Variants in KCTD2 observed in about 807,000 individuals in gnomAD.
KCTD2 encodes potassium channel tetramerization domain containing 2.
In KCTD2, 18 loss-of-function variants were observed where a neutral mutation model predicts 27.9. The observed-to-expected ratio is 0.64, with a 90% CI of 0.45 to 0.96. KCTD2 has a LOEUF of 0.96. Among genes scored for constraint, KCTD2 ranks in the 40% least tolerant of loss-of-function variants. The pLI, the probability that KCTD2 is intolerant of heterozygous loss-of-function variation, is 0.00. For synonymous variants in KCTD2, 175 were observed against 148.4 expected (o/e 1.18, Z -1.30); for missense variants, 280 against 348.0 (o/e 0.80, Z 1.56).
chr17:75,050,027 A>G (rs1307641509), intron 2 of KCTD2, among the ~76,000 whole-genome samples: 2 of 152,196 alleles, frequency 1.3e-5, no homozygotes, highest in African/African-American at 4.8e-5. Flanking sequence ...TAGTTAATGA[A>G]GTGACTGTGA....
chr17:75,059,180 A>G (rs935179044), intron 3 of KCTD2: 1 of 162,838 alleles, frequency 6.1e-6, no homozygotes, highest in Non-Finnish European at 1.3e-5. Flanking sequence ...GATTAAATCT[A>G]AGTTTGTTGG....
At chr17:75,044,140 T>C (rs1447300510), upstream of KCTD2, among the ~76,000 whole-genome samples, 34 of 149,068 alleles carry the variant, frequency 2.3e-4, 1 homozygote, top group Admixed American at 2.3e-3. Flanking sequence ...TTCTCCTGCC[T>C]CAGCCTCCGG....
rs1239007644 is a variant in KCTD2, at chr17:75,063,705, C to T, written c.*658C>T. 1 of 152,532 alleles carries T rather than the reference C, an allele frequency of 6.6e-6. No homozygotes were observed. Among genetic ancestry groups the T allele is most frequent in the Non-Finnish European group, 1.5e-5 (1 of 68,292 alleles). The allele number at this position is 152,532 out of a possible 1,614,324, so 9.4% of individuals were successfully genotyped here. A position where few individuals can be genotyped will look rare whatever the true frequency, so the allele number is the denominator to read the frequency against. On this transcript the variant is annotated 3_prime_UTR_variant, in exon 6 of 6. Coordinates refer to ENST00000322444, the MANE Select transcript of KCTD2 (RefSeq NM_015353.3). ...CTGGATTTGGGGCTCCCGGCTGCCA[C>T]CACATGCAGCTTTGCCTCACCTTTC...
At chr17:75,062,932 A>T in intron 5 of KCTD2, 86 bp from the exon 6 acceptor site, 1 of 1,397,474 alleles carries the variant, frequency 7.2e-7, no homozygotes, top group Non-Finnish European at 1.0e-6. Flanking sequence ...CCATCATGCC[A>T]CTCATCGGGT....
In KCTD2 at chr17:75,049,340, GTTTGCATTGGGGA is replaced by G; in HGVS notation, c.448+16_448+28del. On this transcript the variant is annotated intron_variant, in intron 2 of 5. Transcript: ENST00000322444. ...GTTGGCAGAAGAAGGTAAGCGCACT[GTTTGCATTGGGGA>G]TTTTCAAAATGCAAGTAGAATCTTT... 6.9e-7 allele frequency: 1 copy of G among 1,444,158 alleles called. No individual in the cohort carries two copies. The highest frequency in any genetic ancestry group is 2.3e-5 in the East Asian group (1 of 44,032). The allele number at this position is 1,444,158 out of a possible 1,614,324, so 89.5% of individuals were successfully genotyped here. A position where few individuals can be genotyped will look rare whatever the true frequency, so the allele number is the denominator to read the frequency against.
In KCTD2 at chr17:75,047,406, G is replaced by A. The variant is rs761469308; in HGVS notation, c.156G>A (p.Ala52=). Residue 52 remains alanine (A), a synonymous_variant, in exon 1 of 6, where the codon GCG becomes GCA. Coordinates refer to ENST00000322444, the MANE Select transcript of KCTD2 (RefSeq NM_015353.3). ...ACGGCCGCCCGGCTGCCGCCGTCGC[G>A]CAGCCGCTGGAGCCGGGTCCCGGAC... The part of the protein sequence containing the change: ...RGHGRPAAAV[A]QPLEPGPGPP... 1.7e-6 allele frequency: 2 copies of A among 1,188,868 alleles called. No homozygotes were observed. The highest frequency in any genetic ancestry group is 1.0e-6 in the Non-Finnish European group (1 of 959,934). The allele number at this position is 1,188,868 out of a possible 1,614,324, so 73.6% of individuals were successfully genotyped here. A position where few individuals can be genotyped will look rare whatever the true frequency, so the allele number is the denominator to read the frequency against.
At chr17:75,062,739 CACACAG>C in intron 5 of KCTD2, among the ~76,000 whole-genome samples, 1 of 148,888 alleles carries the variant, frequency 6.7e-6, no homozygotes, top group Non-Finnish European at 1.5e-5. Flanking sequence ...CACACACACA[CACACAG>C]CTTCTAAATC....
At chr17:75,036,839 C>T (rs2073106391) in intron 3 of KCTD2, among the ~76,000 whole-genome samples, 1 of 152,210 alleles carries the variant, frequency 6.6e-6, no homozygotes, top group Non-Finnish European at 1.5e-5. Context: ...AGGCCTTGCA[C>T]AGCTACCGCT....
rs2073261416 is a variant in KCTD2, at chr17:75,049,306, C to T, written c.426C>T (p.Ile142=). The T allele has an allele frequency of 6.2e-7, 1 of 1,610,844 alleles. No homozygotes were observed. The highest frequency in any genetic ancestry group is 1.3e-5 in the African/African-American group (1 of 74,848). The change falls in exon 2 of 6, where the codon ATC becomes ATT. Residue 142 remains isoleucine, a synonymous_variant. Coordinates refer to ENST00000322444, the MANE Select transcript of KCTD2 (RefSeq NM_015353.3). ...LNYLRHGKLI[I]TKELAEEGVL... ...ACCTCCGCCACGGGAAACTCATCAT[C>T]ACTAAGGAGTTGGCAGAAGAAGGTA...
intron 1 of KCTD2, 71 bp downstream of exon 1, chr17:75,047,660 T>C (rs1044917926): frequency 2.5e-5 from 37 of 1,476,478 alleles, no homozygotes; most frequent in Non-Finnish European, 3.2e-5. Context: ...GTCCCCAGAG[T>C]CCTGAGACAC....
Position 75,063,228 on chromosome 17 carries a change from G to T in KCTD2, c.*181G>T. ...CCCTCCCCACCTGCAGGACTCCGAA[G>T]ACAGTGCGACTTCTGGCTGCAGAAT... On this transcript the variant is annotated 3_prime_UTR_variant, in exon 6 of 6. Coordinates refer to ENST00000322444, the MANE Select transcript of KCTD2 (RefSeq NM_015353.3). The T allele has an allele frequency of 1.6e-6, 1 of 638,972 alleles. No individual in the cohort carries two copies. The allele number at this position is 638,972 out of a possible 1,614,324, so 39.6% of individuals were successfully genotyped here.
intron 1 of KCTD2, 144 bp from the exon 2 acceptor site, chr17:75,049,076 A>T: frequency 1.8e-6 from 1 of 542,242 alleles, no homozygotes; most frequent in Non-Finnish European, 3.3e-6. Context: ...ATGTGTAACA[A>T]AATTTGCCAT....
chr17:75,063,996 GT>G lies in KCTD2; in HGVS notation c.*951del, dbSNP rs1464476444. The G allele has an allele frequency of 6.5e-6, 1 of 152,758 alleles. No homozygotes were observed. Among genetic ancestry groups the G allele is most frequent in the East Asian group, 1.9e-4 (1 of 5,198 alleles). The allele number at this position is 152,758 out of a possible 1,614,324, so 9.5% of individuals were successfully genotyped here. On this transcript the variant is annotated 3_prime_UTR_variant, in exon 6 of 6. Coordinates refer to ENST00000322444, the MANE Select transcript of KCTD2 (RefSeq NM_015353.3). ...TGTGTTATGTTGTGTCTCAGAGAGA[GT>G]TATTTCTGTGACTCTCTTGGAAATG...
intron 3 of KCTD2, chr17:75,040,286 T>C: frequency 9.0e-7 from 1 of 1,105,894 alleles, no homozygotes; most frequent in Non-Finnish European, 1.4e-6. Flanking sequence ...AAGGTCATAC[T>C]GAAAGACATT....
intron 1 of KCTD2, among the ~76,000 whole-genome samples, chr17:75,048,314 G>A (rs879853770): frequency 2.6e-5 from 4 of 152,136 alleles, no homozygotes; most frequent in Non-Finnish European, 5.9e-5. Flanking sequence ...TTTCCAGTTT[G>A]AACTGTGTCA....
chr17:75,040,288 A>G (rs1325836652), intron 3 of KCTD2: 9 of 1,101,000 alleles, frequency 8.2e-6, no homozygotes, highest in Non-Finnish European at 1.2e-5. Context: ...GGTCATACTG[A>G]AAGACATTCT....
At chr17:75,037,979 G>A (rs907449898) in intron 3 of KCTD2, among the ~76,000 whole-genome samples, 1 of 151,962 alleles carries the variant, frequency 6.6e-6, no homozygotes, top group African/African-American at 2.4e-5. Flanking sequence ...AACCCATGAG[G>A]TAAAGGTTGC....
chr17:75,034,480 C>T (rs952397825), intron 2 of KCTD2, among the ~76,000 whole-genome samples: 2 of 152,178 alleles, frequency 1.3e-5, no homozygotes, highest in African/African-American at 4.8e-5. Flanking sequence ...GAGGCCAGTG[C>T]CTTATCCATT....
At chr17:75,036,891 G>C (rs2073106853) in intron 3 of KCTD2, among the ~76,000 whole-genome samples, 1 of 152,074 alleles carries the variant, frequency 6.6e-6, no homozygotes, top group African/African-American at 2.4e-5. Flanking sequence ...AAGCAGTTTT[G>C]GGGGGAGTAG....
Sources: allele counts gnomAD v4.1 joint callset (sites outside exome capture counted in the v4.1 genomes callset), GRCh38; gene constraint gnomAD v4.1.1; transcripts MANE v1.5; gene names NCBI Gene and HGNC (gene_info 2026-07-23, HGNC 2026-07-21).